The following HAPSTR1 variants were observed in gnomAD, a reference collection of about 807,000 sequenced individuals.
The protein encoded by HAPSTR1 is HUWE1 associated protein modifying stress responses, also known as HUWE1-associated protein modifying stress responses 1.
chr16:9,091,850 G>C, the HAPSTR1 span: 1 of 410,056 alleles, frequency 2.4e-6, no homozygotes, highest in Non-Finnish European at 4.2e-6. Context: ...GGCGGGGGTC[G>C]TCCCTGGTTG....
At chr16:9,101,905 A>G in the HAPSTR1 span, among the ~76,000 whole-genome samples, 7 of 152,146 alleles carry the variant, frequency 4.6e-5, no homozygotes, top group African/African-American at 7.2e-5. Context: ...GGCGGATCAC[A>G]AGGTCAGGAG....
chr16:9,116,552 T>C, the HAPSTR1 span: 6 of 1,352,122 alleles, frequency 4.4e-6, no homozygotes, highest in Non-Finnish European at 6.1e-6. Context: ...TAGTAATCCC[T>C]TATAAAGGAA....
chr16:9,121,504 C>G, the HAPSTR1 span: 1 of 152,248 alleles, frequency 6.6e-6, no homozygotes, highest in Middle Eastern at 3.4e-3. Context: ...AGACTTTTTG[C>G]TTGATATCAC....
the HAPSTR1 span, among the ~76,000 whole-genome samples, chr16:9,116,453 C>G: frequency 6.6e-6 from 1 of 152,046 alleles, no homozygotes; most frequent in East Asian, 1.9e-4. Context: ...TTGGTAGTTA[C>G]CAATATTGTA....
the HAPSTR1 span, chr16:9,092,958 C>G: frequency 2.9e-5 from 47 of 1,607,596 alleles, no homozygotes; most frequent in African/African-American, 5.3e-4. Context: ...CTCTCTGGGT[C>G]CCCTTCCAAA....
chr16:9,096,893 C>T, the HAPSTR1 span, among the ~76,000 whole-genome samples: 25 of 151,984 alleles, frequency 1.6e-4, no homozygotes, highest in Non-Finnish European at 3.1e-4. Context: ...CTCAGTTATA[C>T]ATAATACTTA....
At chr16:9,117,609 G>C in the HAPSTR1 span, 2 of 152,726 alleles carry the variant, frequency 1.3e-5, no homozygotes, top group African/African-American at 4.8e-5. Context: ...ACTGTCCCCA[G>C]AGTAACCCTG....
chr16:9,108,227 A>T, the HAPSTR1 span: 1 of 152,140 alleles, frequency 6.6e-6, no homozygotes, highest in Non-Finnish European at 1.5e-5. Context: ...TTGATGAAGA[A>T]AGCCTTACTT....
chr16:9,092,365 G>T, the HAPSTR1 span: 1 of 1,119,732 alleles, frequency 8.9e-7, no homozygotes, highest in Non-Finnish European at 1.1e-6. Flanking sequence ...GGGGGGCCGC[G>T]ACGGCGGCGG....
At chr16:9,092,987 C>G in the HAPSTR1 span, 1 of 1,611,170 alleles carries the variant, frequency 6.2e-7, no homozygotes, top group South Asian at 1.1e-5. Flanking sequence ...ACCGCCGTCA[C>G]CAATCTCTAC....
At chr16:9,117,357 C>T in the HAPSTR1 span, 2 of 180,758 alleles carry the variant, frequency 1.1e-5, no homozygotes, top group South Asian at 1.1e-4. Flanking sequence ...GATTTGGCTT[C>T]CATTTTTGCA....
At chr16:9,107,299 ATTCC>A in the HAPSTR1 span, 3 of 152,232 alleles carry the variant, frequency 2.0e-5, no homozygotes, top group African/African-American at 7.2e-5. Flanking sequence ...ACATAGAGCG[ATTCC>A]TTTTTCTGTT....
At chr16:9,092,307 G>GT in the HAPSTR1 span, 1 of 1,443,730 alleles carries the variant, frequency 6.9e-7, no homozygotes, top group Non-Finnish European at 9.1e-7. Context: ...CCGCTTGGCC[G>GT]CCCCCGCCCG....
chr16:9,091,924 A>T, the HAPSTR1 span: 1 of 826,266 alleles, frequency 1.2e-6, no homozygotes, highest in Non-Finnish European at 1.7e-6. Flanking sequence ...CGCTGAAAGG[A>T]GAAGGCGCCG....
chr16:9,093,559 A>T, the HAPSTR1 span, among the ~76,000 whole-genome samples: 226 of 152,342 alleles, frequency 1.5e-3, no homozygotes, highest in Non-Finnish European at 2.7e-3. Context: ...AATCGGAGTC[A>T]TCTGCGCGCA....
chr16:9,114,057 T>C, the HAPSTR1 span, among the ~76,000 whole-genome samples: 1 of 152,226 alleles, frequency 6.6e-6, no homozygotes, highest in South Asian at 2.1e-4. Flanking sequence ...ATATTTTCTA[T>C]AGGAAGAGAC....
chr16:9,112,878 G>A, the HAPSTR1 span: 1 of 152,224 alleles, frequency 6.6e-6, no homozygotes, highest in Non-Finnish European at 1.5e-5. Flanking sequence ...CTTGTGTTAA[G>A]CAATTAAGAC....
At chr16:9,108,712 T>C in the HAPSTR1 span, 6 of 152,318 alleles carry the variant, frequency 3.9e-5, no homozygotes, top group African/African-American at 1.4e-4. Context: ...TGACCAACTG[T>C]ATCCCTGGTT....
chr16:9,113,256 C>G, the HAPSTR1 span: 2 of 152,044 alleles, frequency 1.3e-5, no homozygotes, highest in African/African-American at 4.8e-5. Flanking sequence ...GGTAGGCAGA[C>G]TTTGAAAATA....
Sources: gnomAD v4.1 joint callset for allele counts (sites outside exome capture counted in the v4.1 genomes callset) on GRCh38, gnomAD v4.1.1 for gene constraint, MANE v1.5 for transcripts, NCBI Gene and HGNC (gene_info 2026-07-23, HGNC 2026-07-21) for gene names.